RNF43: variants seen among roughly 807,000 people sequenced by gnomAD.
RNF43 encodes ring finger protein 43, also known as E3 ubiquitin-protein ligase RNF43.
RNF43 carries 37 observed loss-of-function variants against 78.4 expected under a neutral mutation model. The ratio of observed to expected loss-of-function variants is 0.47; its 90% CI spans 0.36 to 0.62. The LOEUF (loss-of-function observed/expected upper bound fraction) is 0.62. RNF43 is among the 20% of genes least tolerant of loss of function. The pLI, the probability that RNF43 is intolerant of heterozygous loss-of-function variation, is 0.00. For missense variants in RNF43, 774 were observed against 1,007.9 expected (o/e 0.77, Z 3.14); for synonymous variants, 347 against 395.0 (o/e 0.88, Z 1.44).
At chr17:58,366,627 A>G (rs1239832244) in intron 3 of RNF43, among the ~76,000 whole-genome samples, 2 of 152,148 alleles carry the variant, frequency 1.3e-5, no homozygotes, top group Non-Finnish European at 2.9e-5. Context: ...TCTGATACCA[A>G]CTATTAGCTG....
chr17:58,392,196 G>C (rs564003930), intron 2 of RNF43, among the ~76,000 whole-genome samples: 2 of 152,308 alleles, frequency 1.3e-5, no homozygotes, highest in Admixed American at 6.5e-5. Flanking sequence ...GGATAGAGTA[G>C]GAAACTTCAA....
chr17:58,358,925 C>G lies in RNF43; in HGVS notation c.953-102G>C. ...AGCTAATCTATTTGACCCTGAGTAGCCTGTGAGCTCAGAGTTTGGGGGATC... is the reference window on the plus strand; with the variant it reads ...AGCTAATCTATTTGACCCTGAGTAGGCTGTGAGCTCAGAGTTTGGGGGATC... On this transcript the variant is annotated intron_variant, in intron 8 of 9. Transcript: ENST00000407977. This position sits in a 1 kb window ranked among gnomAD's most constrained non-coding sequence, Gnocchi z 6.2. 3 of 1,233,920 alleles carry G rather than the reference C, an allele frequency of 2.4e-6. No individual in the cohort carries two copies. The highest frequency in any genetic ancestry group is 3.3e-5 in the South Asian group (2 of 59,754). 76.4% of individuals were successfully genotyped at this position (1,233,920 alleles called of 1,614,324 possible).
intron 2 of RNF43, among the ~76,000 whole-genome samples, chr17:58,400,800 T>G (rs576776613): frequency 3.3e-5 from 5 of 152,270 alleles, no homozygotes; most frequent in Admixed American, 1.3e-4. Context: ...ATTATTTGAT[T>G]GGTGATAGAA....
At chr17:58,379,166 T>A (rs1973264126) in intron 2 of RNF43, among the ~76,000 whole-genome samples, 1 of 152,122 alleles carries the variant, frequency 6.6e-6, no homozygotes, top group Non-Finnish European at 1.5e-5. Context: ...TTCTGTGGCA[T>A]GGTAAGCATT....
At chr17:58,415,256 T>C (rs2143693189) in intron 2 of RNF43, 70 bp downstream of exon 2, 1 of 1,539,882 alleles carries the variant, frequency 6.5e-7, no homozygotes, top group African/African-American at 1.4e-5. Flanking sequence ...TGGTATTTCA[T>C]TTGGGAGACA....
In RNF43 at chr17:58,354,460, G is replaced by A. The variant is rs961715219; in HGVS notation, c.*483C>T. On this transcript the variant is annotated 3_prime_UTR_variant, in exon 10 of 10. Coordinates refer to ENST00000407977, the MANE Select transcript of RNF43 (RefSeq NM_017763.6). Reference sequence around the variant, plus strand: ...TTGCCCCTGATGTAGCAGCCTTACTGTGGAGGGGCCAAAGCTGGTGTTCAG... The same window carrying A: ...TTGCCCCTGATGTAGCAGCCTTACTATGGAGGGGCCAAAGCTGGTGTTCAG... 73 of 254,100 alleles carry A rather than the reference G, an allele frequency of 2.9e-4. No homozygotes were observed. Among genetic ancestry groups the A allele is most frequent in the African/African-American group, 1.5e-3 (71 of 46,504 alleles). 15.7% of individuals were successfully genotyped at this position (254,100 alleles called of 1,614,324 possible). A position where few individuals can be genotyped will look rare whatever the true frequency, so the allele number is the denominator to read the frequency against.
chr17:58,354,848 T>G lies in RNF43; in HGVS notation c.*95A>C. 9.1e-7 allele frequency: 1 copy of G among 1,099,018 alleles called. No homozygotes were observed. The highest frequency in any genetic ancestry group is 1.4e-6 in the Non-Finnish European group (1 of 712,904). The allele number at this position is 1,099,018 out of a possible 1,614,324, so 68.1% of individuals were successfully genotyped here. On this transcript the variant is annotated 3_prime_UTR_variant, in exon 10 of 10. Transcript: ENST00000407977. ...GTACGGCAAAAAGAATGGTGTTTGC[T>G]GTGGTCCTTTCCTTTCCCAGGAGCA...
intron 2 of RNF43, among the ~76,000 whole-genome samples, chr17:58,386,742 CTT>C (rs1196360252): frequency 1.3e-5 from 2 of 152,160 alleles, no homozygotes; most frequent in Non-Finnish European, 2.9e-5. Flanking sequence ...TGAAGAATCT[CTT>C]CTTCTTCATC....
intron 5 of RNF43, 26 bp from the exon 6 acceptor site, chr17:58,362,674 G>A (rs1291294631): frequency 5.7e-6 from 9 of 1,565,790 alleles, no homozygotes; most frequent in Non-Finnish European, 7.9e-6. Flanking sequence ...AGAGGGAAAG[G>A]GTCATACTTC....
rs372359821 is a variant in RNF43 at position 58,371,705 on chromosome 17, T to C, written c.253-672A>G. Among the ~76,000 whole-genome samples the C allele has an allele frequency of 2.6e-5, 4 of 152,348 alleles. No individual in the cohort carries two copies. The East Asian group carries it at 7.7e-4, about 29-fold the overall frequency. On this transcript the variant is annotated intron_variant, in intron 2 of 9. Coordinates refer to ENST00000407977, the MANE Select transcript of RNF43 (RefSeq NM_017763.6). ...TGAGGCTTGGCTAAGACATAAGCTT[T>C]GACAGCTCACCCTGGTCCCAGGAAT...
intron 3 of RNF43, among the ~76,000 whole-genome samples, chr17:58,367,334 T>C (rs1598137469): frequency 1.3e-5 from 2 of 152,108 alleles, no homozygotes; most frequent in East Asian, 1.9e-4. Context: ...ATACTATGTG[T>C]TTCCGACATG....
chr17:58,379,082 ACCCAGTTAAAGGAGGTTGAGGT>A (rs1428141995), intron 2 of RNF43, among the ~76,000 whole-genome samples: 3 of 152,130 alleles, frequency 2.0e-5, no homozygotes, highest in Admixed American at 6.5e-5. Flanking sequence ...CCTAGTCAAC[ACCCAGTTAAAGGAGGTTGAGGT>A]CCCCTAAATT....
In RNF43 at chr17:58,357,632, G is replaced by A. The variant is rs750460220; in HGVS notation, c.2144C>T (p.Pro715Leu). The A allele has an allele frequency of 1.9e-6, 3 of 1,613,988 alleles. No homozygotes were observed. The highest frequency in any genetic ancestry group is 2.2e-5 in the South Asian group (2 of 91,088). The change falls in exon 9 of 10, where the codon CCA becomes CTA. Residue 715 changes from proline to leucine, a missense_variant. By Grantham distance (98) the Pro-to-Leu change is moderately conservative (BLOSUM62 -3). Coordinates refer to ENST00000407977, the MANE Select transcript of RNF43 (RefSeq NM_017763.6). The surrounding 1 kb of genome is among the most constrained non-coding windows in gnomAD (Gnocchi z 4.5). ...CTGTGAATTTGAGTAACAGGGGCCT[G>A]GGGTTTCTGGTAGCAGCCTCTTGTC... ...GLDKRLLPET[P>L]GPCYSNSQPV...
Position 58,360,897 on chromosome 17 carries a change from G to T in RNF43, c.735C>A (p.Thr245=), listed in dbSNP as rs1214293640. 2 of 1,607,938 alleles carry T rather than the reference G, an allele frequency of 1.2e-6. No individual in the cohort carries two copies. The highest frequency in any genetic ancestry group is 4.5e-5 in the East Asian group (2 of 44,452). The part of the protein sequence containing the change: ...RTAWAISQLA[T]RRYQASCRQA... ...GCCTGCAGCTGGCCTGGTACCTCCT[G>T]GTGGCCAGCTGGCTGATGGCCCAGG... Residue 245 remains threonine, a synonymous_variant, in exon 7 of 10, where the codon ACC becomes ACA. Coordinates refer to ENST00000407977, the MANE Select transcript of RNF43 (RefSeq NM_017763.6). The surrounding 1 kb of genome is among the most constrained non-coding windows in gnomAD (Gnocchi z 4.3).
chr17:58,401,825 A>C (rs909198091), intron 2 of RNF43, among the ~76,000 whole-genome samples: 2 of 4,258 alleles, frequency 4.7e-4, no homozygotes, highest in Admixed American at 3.0e-3. Context: ...TCCTAGCATA[A>C]AAAAAAAAAA....
chr17:58,354,516 T>C lies in RNF43; in HGVS notation c.*427A>G, dbSNP rs1234569186. The C allele has an allele frequency of 3.3e-6, 1 of 298,518 alleles. No homozygotes were observed. The highest frequency in any genetic ancestry group is 4.8e-5 in the East Asian group (1 of 20,956). 18.5% of individuals were successfully genotyped at this position (298,518 alleles called of 1,614,324 possible). On this transcript the variant is annotated 3_prime_UTR_variant, in exon 10 of 10. Transcript: ENST00000407977. ...ACCCAAGGAGGGAGGTGATAAGGTG[T>C]CATGCGTTCTGCTGAACCCACTGGC... is the stretch of plus-strand genomic sequence containing the variant.
At position 58,415,601 on chromosome 17, in the gene RNF43, T is replaced by C. The variant is rs374594410; in HGVS notation, c.-24A>G. The C allele has an allele frequency of 6.2e-7, 1 of 1,602,652 alleles. No homozygotes were observed. The highest frequency in any genetic ancestry group is 8.5e-7 in the Non-Finnish European group (1 of 1,179,698). On this transcript the variant is annotated 5_prime_UTR_variant, in exon 2 of 10. The change abolishes the stop of an existing upstream ORF in the 5' untranslated region. Coordinates refer to ENST00000407977, the MANE Select transcript of RNF43 (RefSeq NM_017763.6). ...ATGCTACCAGCTGCAGCAATGCACTTCAACCATACATACTGCTTCCACTAG... is the reference window on the plus strand; with the variant it reads ...ATGCTACCAGCTGCAGCAATGCACTCCAACCATACATACTGCTTCCACTAG...
chr17:58,371,141 G>C (rs2143518350), intron 2 of RNF43, 108 bp from the exon 3 acceptor site: 1 of 1,172,244 alleles, frequency 8.5e-7, no homozygotes, highest in Admixed American at 2.6e-5. Context: ...CAGGTCTCTT[G>C]GTGCTGTAAA....
intron 2 of RNF43, among the ~76,000 whole-genome samples, chr17:58,378,865 C>T (rs774028198): frequency 6.6e-6 from 1 of 152,172 alleles, no homozygotes; most frequent in African/African-American, 2.4e-5. Flanking sequence ...CAGTCGGGGG[C>T]TCTGCATATC....
Sources: gnomAD v4.1 joint callset for allele counts (sites outside exome capture counted in the v4.1 genomes callset) on GRCh38, gnomAD v4.1.1 for gene constraint, Gnocchi (gnomAD v3.1) non-coding constraint, MANE v1.5 for transcripts, NCBI Gene and HGNC (gene_info 2026-07-23, HGNC 2026-07-21) for gene names.